RABGAP1L: variants seen among roughly 807,000 people sequenced by gnomAD.
The protein encoded by RABGAP1L is RAB GTPase activating protein 1 like.
RABGAP1L carries 63 observed loss-of-function variants against 137.7 expected under a neutral mutation model. The observed-to-expected ratio is 0.46, with a 90% confidence interval of 0.37 to 0.56. The LOEUF (loss-of-function observed/expected upper bound fraction) is 0.56. Ranked by LOEUF, RABGAP1L falls within the 20% of genes least tolerant of loss-of-function variation. The probability of loss-of-function intolerance (pLI) is 0.00; values close to 1 mark genes in which losing one functional copy is unlikely to be tolerated. For missense variants in RABGAP1L, 1,095 were observed against 1,244.0 expected (o/e 0.88, Z 1.80); for synonymous variants, 431 against 433.7 (o/e 0.99, Z 0.08).
chr1:174,947,019 G>A (rs1398683621), intron 19 of RABGAP1L, among the ~76,000 whole-genome samples: 10 of 144,590 alleles, frequency 6.9e-5, no homozygotes, highest in Admixed American at 5.6e-4. Context: ...TGTGTTCAGT[G>A]CTTAGGTCAG....
intron 19 of RABGAP1L, among the ~76,000 whole-genome samples, chr1:174,954,523 A>G (rs1384924407): frequency 3.9e-5 from 6 of 152,162 alleles, no homozygotes; most frequent in Admixed American, 3.3e-4. Flanking sequence ...TTTCTCTTAC[A>G]TGTAAAAAAA....
chr1:174,272,390 C>T (rs1429661042), intron 7 of RABGAP1L, 24 bp from the exon 8 acceptor site: 1 of 1,598,962 alleles, frequency 6.3e-7, no homozygotes, highest in Non-Finnish European at 8.5e-7. Flanking sequence ...CTTATTTCTC[C>T]TTTTTTTCCC....
At chr1:174,765,912 T>G (rs1307644032) in intron 18 of RABGAP1L, among the ~76,000 whole-genome samples, 1 of 152,182 alleles carries the variant, frequency 6.6e-6, no homozygotes, top group African/African-American at 2.4e-5. Flanking sequence ...GGCAGGGCAT[T>G]ATGGCTGAAT....
chr1:174,835,237 T>C (rs1692617827), intron 19 of RABGAP1L, among the ~76,000 whole-genome samples: 1 of 152,164 alleles, frequency 6.6e-6, no homozygotes, highest in Non-Finnish European at 1.5e-5. Flanking sequence ...GAGGGGGGAA[T>C]GATCAAGAGT....
Position 174,733,610 on chromosome 1 carries a change from A to C in RABGAP1L, c.2170-18703A>C, listed in dbSNP as rs368550468. 3.9e-5 allele frequency among the ~76,000 whole-genome samples: 6 copies of C among 152,228 alleles called. No individual in the cohort carries two copies. In the East Asian group the frequency reaches 7.7e-4, roughly 20 times the overall value. On this transcript the variant is annotated intron_variant, in intron 17 of 25. Coordinates refer to ENST00000681986, the MANE Select transcript of RABGAP1L (RefSeq NM_001366446.1). The stretch of plus-strand genomic sequence containing the variant: ...ATATCCCTCCTTTTTTTGTACTTTC[A>C]TCACTCATTTGACAACTATTTATTT...
At chr1:174,449,337 C>A in intron 13 of RABGAP1L, 1 of 675,770 alleles carries the variant, frequency 1.5e-6, no homozygotes, top group Non-Finnish European at 2.4e-6. Context: ...AGGTTTCTCT[C>A]TTTTTTTTTC....
At chr1:174,646,345 G>A (rs904534731) in intron 14 of RABGAP1L, among the ~76,000 whole-genome samples, 1 of 152,044 alleles carries the variant, frequency 6.6e-6, no homozygotes, top group Non-Finnish European at 1.5e-5. Context: ...ATGGTTTTAG[G>A]TCTTATGTTT....
chr1:174,424,324 G>A (rs1013017279), intron 13 of RABGAP1L, among the ~76,000 whole-genome samples: 1 of 152,030 alleles, frequency 6.6e-6, no homozygotes. Context: ...TTGGCTAATA[G>A]CTGTAAGTCT....
chr1:174,275,538 T>C (rs2148669444), intron 8 of RABGAP1L, among the ~76,000 whole-genome samples: 1 of 152,280 alleles, frequency 6.6e-6, no homozygotes, highest in Non-Finnish European at 1.5e-5. Context: ...AAGATCAAGT[T>C]AAATACAACT....
At chr1:174,189,320 A>C (rs965661660) in intron 1 of RABGAP1L, among the ~76,000 whole-genome samples, 28 of 152,214 alleles carry the variant, frequency 1.8e-4, no homozygotes, top group Admixed American at 1.6e-3. Context: ...CATTTCTTTC[A>C]GTAGAAGATT....
intron 1 of RABGAP1L, among the ~76,000 whole-genome samples, chr1:174,196,212 C>CTTCT (rs994459953): frequency 6.7e-6 from 1 of 148,442 alleles, no homozygotes; most frequent in African/African-American, 2.5e-5. Flanking sequence ...AGCATTTGTA[C>CTTCT]TTCTTTCTTT....
intron 14 of RABGAP1L, among the ~76,000 whole-genome samples, chr1:174,660,064 G>C (rs899224023): frequency 6.6e-6 from 1 of 152,184 alleles, no homozygotes; most frequent in African/African-American, 2.4e-5. Context: ...ATACAGAAGA[G>C]ACAGAACAAC....
chr1:174,281,773 A>T (rs924885313), intron 10 of RABGAP1L, among the ~76,000 whole-genome samples: 4 of 152,182 alleles, frequency 2.6e-5, no homozygotes, highest in African/African-American at 9.7e-5. Context: ...ATTTAATAGT[A>T]CATTTTGATG....
chr1:174,799,777 G>A, intron 18 of RABGAP1L: 1 of 879,366 alleles, frequency 1.1e-6, no homozygotes, highest in Non-Finnish European at 1.4e-6. Context: ...AGCAGCAGTA[G>A]CAGCAGCAGC....
intron 14 of RABGAP1L, among the ~76,000 whole-genome samples, chr1:174,640,549 G>C (rs1031651852): frequency 1.3e-5 from 2 of 151,908 alleles, no homozygotes; most frequent in African/African-American, 4.8e-5. Flanking sequence ...TTCTAACATT[G>C]TTTCTAGAAA....
intron 19 of RABGAP1L, among the ~76,000 whole-genome samples, chr1:174,888,171 G>T (rs1655494416): frequency 6.6e-6 from 1 of 152,116 alleles, no homozygotes; most frequent in African/African-American, 2.4e-5. Context: ...ATAATTTTGA[G>T]ATATATGTAA....
At chr1:174,472,126 T>C (rs1253396028) in intron 13 of RABGAP1L, among the ~76,000 whole-genome samples, 1 of 152,124 alleles carries the variant, frequency 6.6e-6, no homozygotes, top group Non-Finnish European at 1.5e-5. Flanking sequence ...TCTAAAACTG[T>C]GAGAAGTAAA....
At chr1:174,186,651 A>G (rs1666826211) in intron 1 of RABGAP1L, among the ~76,000 whole-genome samples, 2 of 152,210 alleles carry the variant, frequency 1.3e-5, no homozygotes, top group African/African-American at 4.8e-5. Flanking sequence ...GTTACTACTC[A>G]GTTCTACATC....
chr1:174,171,192 TA>T (rs1231383099), intron 1 of RABGAP1L, among the ~76,000 whole-genome samples: 2 of 152,208 alleles, frequency 1.3e-5, no homozygotes, highest in African/African-American at 4.8e-5. Context: ...GAGTCTTTGT[TA>T]TGGGTTACTT....
Sources: allele counts gnomAD v4.1 joint callset (sites outside exome capture counted in the v4.1 genomes callset), GRCh38; gene constraint gnomAD v4.1.1; transcripts MANE v1.5; gene names NCBI Gene and HGNC (gene_info 2026-07-23, HGNC 2026-07-21).